The following EYS variants were observed in gnomAD, a reference collection of about 807,000 sequenced individuals.
EYS encodes the protein EGF-like photoreceptor maintenance factor, also known as protein eyes shut homolog.
A neutral mutation model predicts 282.1 loss-of-function variants in EYS; 250 were observed. The observed-to-expected ratio is 0.89, with a 90% CI of 0.80 to 0.98. The LOEUF (loss-of-function observed/expected upper bound fraction) is 0.98. EYS is among the 50% of genes least tolerant of loss of function. The pLI is 0.00. For missense variants in EYS, 4,016 were observed against 3,709.0 expected (o/e 1.08, Z -2.15); for synonymous variants, 1,355 against 1,282.9 (o/e 1.06, Z -1.20).
Position 64,851,280 on chromosome 6 carries a change from T to A in EYS, c.2993-28458A>T, listed in dbSNP as rs548669273. On this transcript the variant is annotated intron_variant, in intron 19 of 42. Coordinates refer to ENST00000503581, the MANE Select transcript of EYS (RefSeq NM_001142800.2). Reference sequence around the variant, plus strand: ...CAATAGAGTTTTCCTTGATGACATCTGGACTTGTTGAAGGCCAGTGGCTCC... The same window carrying A: ...CAATAGAGTTTTCCTTGATGACATCAGGACTTGTTGAAGGCCAGTGGCTCC... Among the ~76,000 whole-genome samples the A allele has an allele frequency of 5.1e-4, 77 of 152,224 alleles. 1 individual carries two copies. The highest frequency in any genetic ancestry group is 1.8e-3 in the African/African-American group (74 of 41,568).
chr6:65,139,133 T>A (rs764953252), intron 12 of EYS, among the ~76,000 whole-genome samples: 2 of 152,056 alleles, frequency 1.3e-5, no homozygotes, highest in African/African-American at 2.4e-5. Context: ...CATGCACACA[T>A]ATGTTCATCG....
chr6:65,020,479 A>G (rs1772215634), intron 13 of EYS, among the ~76,000 whole-genome samples: 1 of 152,048 alleles, frequency 6.6e-6, no homozygotes, highest in African/African-American at 2.4e-5. Flanking sequence ...ATCACATCCC[A>G]TGGCTTTGGG....
chr6:63,864,330 G>C lies in EYS; in HGVS notation c.7084C>G (p.Pro2362Ala). 6.4e-7 allele frequency: 1 copy of C among 1,551,174 alleles called. No individual in the cohort carries two copies. The highest frequency in any genetic ancestry group is 8.7e-7 in the Non-Finnish European group (1 of 1,146,706). ...CACAGCTTGCCTGAATACAGCCTTG[G>C]ACACTCACAAAACAGATTTTCATTA... ...SDNENLFCEC[P>A]RLYSGKLCQF... The change falls in exon 36 of 43, where the codon CCA becomes GCA. Residue 2362 changes from proline to alanine, a missense_variant. By Grantham distance (27) the Pro-to-Ala change is conservative. Transcript: ENST00000503581.
intron 12 of EYS, among the ~76,000 whole-genome samples, chr6:65,120,151 C>CAAAAAAAAAA (rs1170415166): frequency 8.0e-5 from 5 of 62,552 alleles, no homozygotes; most frequent in Admixed American, 2.0e-4. Context: ...GACTCCGTCT[C>CAAAAAAAAAA]AAAAAAAAAA....
chr6:65,635,494 TATAGAGA>T (rs1165086118), intron 2 of EYS, among the ~76,000 whole-genome samples: 1 of 152,208 alleles, frequency 6.6e-6, no homozygotes, highest in African/African-American at 2.4e-5. Context: ...TTGTTATTTT[TATAGAGA>T]TGAGGTCTCC....
At chr6:64,420,679 A>AT (rs1200137229) in intron 28 of EYS, among the ~76,000 whole-genome samples, 1 of 152,094 alleles carries the variant, frequency 6.6e-6, no homozygotes, top group Non-Finnish European at 1.5e-5. Flanking sequence ...CCACTTAGAA[A>AT]TTTCTTCTGC....
chr6:63,818,902 C>CATCT (rs1207338223), intron 36 of EYS, among the ~76,000 whole-genome samples: 1 of 152,260 alleles, frequency 6.6e-6, no homozygotes, highest in Non-Finnish European at 1.5e-5. Flanking sequence ...TTCTGCCATT[C>CATCT]ATCTATCCAA....
chr6:63,823,353 A>C (rs1189878824), intron 36 of EYS, among the ~76,000 whole-genome samples: 1 of 152,170 alleles, frequency 6.6e-6, no homozygotes, highest in East Asian at 1.9e-4. Flanking sequence ...AATACTTACA[A>C]ATGTGCATTA....
At chr6:64,445,652 C>G (rs1293904875) in intron 26 of EYS, among the ~76,000 whole-genome samples, 3 of 152,212 alleles carry the variant, frequency 2.0e-5, no homozygotes, top group Non-Finnish European at 4.4e-5. Context: ...TGTCTCTCCA[C>G]TCTGATATTC....
intron 28 of EYS, among the ~76,000 whole-genome samples, chr6:64,413,567 A>C (rs896518760): frequency 1.5e-4 from 20 of 130,010 alleles, no homozygotes; most frequent in African/African-American, 3.4e-4. Context: ...ACAAAAACCC[A>C]AAAAAAAACC....
At chr6:64,871,896 A>G (rs1177972967) in intron 19 of EYS, among the ~76,000 whole-genome samples, 1 of 151,936 alleles carries the variant, frequency 6.6e-6, no homozygotes, top group East Asian at 1.9e-4. Context: ...AGGATTGACA[A>G]CAAAGAATTT....
At chr6:64,099,092 C>T (rs113840651) in intron 31 of EYS, among the ~76,000 whole-genome samples, 1,983 of 152,230 alleles carry the variant, frequency 0.013, 41 homozygotes, top group African/African-American at 0.045. Context: ...TATCTTCTGT[C>T]CTCATCATTC....
At chr6:65,087,321 C>G (rs2150175283) in intron 12 of EYS, among the ~76,000 whole-genome samples, 1 of 152,138 alleles carries the variant, frequency 6.6e-6, no homozygotes, top group African/African-American at 2.4e-5. Context: ...CATTATTCCA[C>G]CAAAATGACT....
intron 37 of EYS, among the ~76,000 whole-genome samples, chr6:63,792,436 A>G (rs1407874881): frequency 6.6e-6 from 1 of 152,090 alleles, no homozygotes; most frequent in Admixed American, 6.6e-5. Flanking sequence ...GTGTTTCCAA[A>G]CCTAGAAGTC....
intron 26 of EYS, among the ~76,000 whole-genome samples, chr6:64,520,825 A>G (rs1243347680): frequency 6.6e-6 from 1 of 151,736 alleles, no homozygotes; most frequent in Non-Finnish European, 1.5e-5. Flanking sequence ...GGAACTTAAA[A>G]CTCTCAGAAC....
chr6:65,587,984 G>C (rs1241220273), intron 2 of EYS, among the ~76,000 whole-genome samples: 1 of 152,036 alleles, frequency 6.6e-6, no homozygotes, highest in South Asian at 2.1e-4. Context: ...ATCATTCAGA[G>C]GGTGGTGCCC....
chr6:64,221,722 T>G lies in EYS; in HGVS notation c.6424+8870A>C, dbSNP rs192450175. On this transcript the variant is annotated intron_variant, in intron 31 of 42. Transcript: ENST00000503581. The stretch of plus-strand genomic sequence containing the variant: ...TTGCACACCTTTCTGAGTACCGTGA[T>G]GAAATCTCACACCATCCCCATCCAT... 2.9e-3 allele frequency among the ~76,000 whole-genome samples: 446 copies of G among 152,260 alleles called. 2 individuals are homozygous for G. Among genetic ancestry groups the G allele is most frequent in the Non-Finnish European group, 4.6e-3 (314 of 68,010 alleles).
intron 36 of EYS, among the ~76,000 whole-genome samples, chr6:63,863,663 CTTTTCTTTTTTCTTTTTT>C (rs1772594071): frequency 1.8e-5 from 1 of 55,788 alleles, no homozygotes. Context: ...CTTTTCTTTT[CTTTTCTTTTTTCTTTTTT>C]TTTTTTTTTT....
Position 64,066,343 on chromosome 6 carries a change from T to C in EYS, c.6720A>G (p.Thr2240=), listed in dbSNP as rs745673257. 8.4e-6 allele frequency: 13 copies of C among 1,550,176 alleles called. No homozygotes were observed. In the South Asian group the frequency reaches 1.6e-4, roughly 19 times the overall value. The change falls in exon 33 of 43, where the codon ACA becomes ACG. Residue 2240 remains threonine (T), a synonymous_variant. Coordinates refer to ENST00000503581, the MANE Select transcript of EYS (RefSeq NM_001142800.2). ...CCGTGGAGTACAGTACTTACCGTAT[T>C]GTGATAGGGGTGAATGCATTTGTGT... ...SINTNAFTPI[T]IRYTTPVGSP... is the part of the protein sequence containing the mutation.
Sources: gnomAD v4.1 joint callset for allele counts (sites outside exome capture counted in the v4.1 genomes callset) on GRCh38, gnomAD v4.1.1 for gene constraint, MANE v1.5 for transcripts, NCBI Gene and HGNC (gene_info 2026-07-23, HGNC 2026-07-21) for gene names.